Variants in LYPD6B observed in about 807,000 individuals in gnomAD.
The protein encoded by LYPD6B is ly6/PLAUR domain-containing protein 6B.
In LYPD6B, 17 loss-of-function variants were observed where a neutral mutation model predicts 22.8. The ratio of observed to expected loss-of-function variants is 0.75; its 90% CI spans 0.51 to 1.12. LYPD6B has a LOEUF of 1.12. Ranked by LOEUF, LYPD6B falls within the 50% of genes most tolerant of loss-of-function variation. The probability of loss-of-function intolerance (pLI) is 0.00; values close to 1 mark genes in which losing one functional copy is unlikely to be tolerated. For synonymous variants in LYPD6B, 106 were observed against 91.6 expected (o/e 1.16, Z -0.90); for missense variants, 221 against 258.3 (o/e 0.86, Z 0.99).
chr2:149,120,381 A>ATTTT (rs1256956846), intron 1 of LYPD6B, among the ~76,000 whole-genome samples: 3,077 of 43,232 alleles, frequency 0.071, 219 homozygotes, highest in East Asian at 0.25. Flanking sequence ...ATATATATAT[A>ATTTT]TATTTTTTTT....
chr2:149,131,030 A>T (rs556507389), intron 2 of LYPD6B, 77 bp downstream of exon 2: 1 of 957,432 alleles, frequency 1.0e-6, no homozygotes, highest in East Asian at 2.4e-5. Flanking sequence ...TGAGCTACTC[A>T]TGCTTCGCAA....
intron 4 of LYPD6B, among the ~76,000 whole-genome samples, chr2:149,207,200 T>C (rs187984845): frequency 2.3e-4 from 35 of 152,286 alleles, no homozygotes; most frequent in African/African-American, 8.2e-4. Flanking sequence ...TAGGCAAAAC[T>C]GAAATATATT....
chr2:149,185,861 T>G (rs1006274403), intron 3 of LYPD6B, among the ~76,000 whole-genome samples: 2 of 152,188 alleles, frequency 1.3e-5, no homozygotes, highest in African/African-American at 2.4e-5. Context: ...TGATTAGTGA[T>G]CTTTGATGTT....
intron 1 of LYPD6B, among the ~76,000 whole-genome samples, chr2:149,120,374 TATATATATA>T (rs1245684204): frequency 2.6e-5 from 1 of 38,114 alleles, no homozygotes; most frequent in African/African-American, 1.1e-4. Flanking sequence ...TATATATATA[TATATATATA>T]TTTTTTTTTT....
chr2:149,169,200 G>A (rs956763068), intron 3 of LYPD6B, among the ~76,000 whole-genome samples: 1 of 152,068 alleles, frequency 6.6e-6, no homozygotes, highest in Non-Finnish European at 1.5e-5. Context: ...AGACCTAGCT[G>A]TCTCTCACCT....
At chr2:149,115,246 A>T (rs970115320) in intron 1 of LYPD6B, among the ~76,000 whole-genome samples, 1 of 152,142 alleles carries the variant, frequency 6.6e-6, no homozygotes, top group East Asian at 1.9e-4. Context: ...GCCTACAGTG[A>T]TTTAAATAAA....
chr2:149,210,752 G>A (rs1221821534), intron 5 of LYPD6B, among the ~76,000 whole-genome samples: 3 of 152,170 alleles, frequency 2.0e-5, no homozygotes, highest in South Asian at 4.1e-4. Context: ...AACACATGCA[G>A]CCACCAGTTT....
At chr2:149,056,276 T>C (rs966555082) in intron 1 of LYPD6B, among the ~76,000 whole-genome samples, 1 of 152,186 alleles carries the variant, frequency 6.6e-6, no homozygotes, top group African/African-American at 2.4e-5. Context: ...TCAGGTACTG[T>C]GCTGGGATCC....
At chr2:149,141,028 C>G (rs1393754875) in intron 2 of LYPD6B, among the ~76,000 whole-genome samples, 12 of 152,124 alleles carry the variant, frequency 7.9e-5, no homozygotes, top group Non-Finnish European at 1.8e-4. Context: ...AAATAAAGTC[C>G]CTGTTCTCAT....
At chr2:149,063,770 G>T (rs1684199262) in intron 1 of LYPD6B, among the ~76,000 whole-genome samples, 1 of 152,100 alleles carries the variant, frequency 6.6e-6, no homozygotes, top group Non-Finnish European at 1.5e-5. Flanking sequence ...AGAAAAAGTA[G>T]CCGGAAACAT....
chr2:149,145,327 G>A (rs558635387), intron 2 of LYPD6B, among the ~76,000 whole-genome samples: 1 of 152,292 alleles, frequency 6.6e-6, no homozygotes, highest in Non-Finnish European at 1.5e-5. Context: ...GCGCTCTTGA[G>A]GGGACCTGGG....
In LYPD6B at chr2:149,213,033, G is replaced by A. The variant is rs766717502; in HGVS notation, c.370G>A (p.Gly124Arg). ...GACAGTTCATCACTTCACCAGCCAC[G>A]GAAGAAGCACATCCATCACCAAAAA... ...CLTVHHFTSH[G>R]RSTSITKKCA... The change falls in exon 6 of 7, where the codon GGA becomes AGA. Residue 124 changes from glycine to arginine, a missense_variant. Gly to Arg is a moderately radical substitution (Grantham distance 125). Transcript: ENST00000409642. 1.7e-5 allele frequency: 28 copies of A among 1,613,780 alleles called. No homozygotes were observed. The African/African-American group carries it at 2.8e-4, about 16-fold the overall frequency.
At chr2:149,132,298 A>G (rs1467411353) in intron 2 of LYPD6B, among the ~76,000 whole-genome samples, 2 of 150,708 alleles carry the variant, frequency 1.3e-5, no homozygotes, top group Non-Finnish European at 2.9e-5. Context: ...AGCCTGGGAC[A>G]GATTTACAAA....
intron 1 of LYPD6B, among the ~76,000 whole-genome samples, chr2:149,046,063 T>G (rs1683291351): frequency 6.6e-6 from 1 of 152,198 alleles, no homozygotes; most frequent in Non-Finnish European, 1.5e-5. Flanking sequence ...GTATTTTGAC[T>G]CTATGTTGTT....
At chr2:149,048,168 A>T (rs1450119210) in intron 1 of LYPD6B, among the ~76,000 whole-genome samples, 1 of 152,014 alleles carries the variant, frequency 6.6e-6, no homozygotes, top group African/African-American at 2.4e-5. Context: ...TGCTTTTCTC[A>T]TGCCCTATAA....
intron 1 of LYPD6B, among the ~76,000 whole-genome samples, chr2:149,125,360 T>G (rs961891817): frequency 3.3e-5 from 5 of 152,158 alleles, no homozygotes; most frequent in African/African-American, 7.2e-5. Context: ...AAACACTCTT[T>G]CCTCTTCCTG....
intron 1 of LYPD6B, among the ~76,000 whole-genome samples, chr2:149,080,074 A>G (rs1433094438): frequency 1.3e-5 from 2 of 152,224 alleles, no homozygotes; most frequent in Admixed American, 1.3e-4. Flanking sequence ...ACAGAGTAAC[A>G]AACTGGTGGC....
intron 2 of LYPD6B, among the ~76,000 whole-genome samples, chr2:149,150,970 T>G (rs2105826290): frequency 6.6e-6 from 1 of 152,330 alleles, no homozygotes; most frequent in South Asian, 2.1e-4. Context: ...TCATTATTCT[T>G]TTTACAAAGA....
At chr2:149,209,852 G>A (rs1272895899) in intron 5 of LYPD6B, among the ~76,000 whole-genome samples, 1 of 152,148 alleles carries the variant, frequency 6.6e-6, no homozygotes, top group Non-Finnish European at 1.5e-5. Flanking sequence ...CTTAAGTTGT[G>A]TGTGCGCTTA....
Sources: gnomAD v4.1 joint callset for allele counts (sites outside exome capture counted in the v4.1 genomes callset) on GRCh38, gnomAD v4.1.1 for gene constraint, MANE v1.5 for transcripts, NCBI Gene and HGNC (gene_info 2026-07-23, HGNC 2026-07-21) for gene names.